AKAP6: variants seen among roughly 807,000 people sequenced by gnomAD.
AKAP6 encodes A-kinase anchor protein 6.
In AKAP6, 58 loss-of-function variants were observed where a neutral mutation model predicts 188.5. That is an observed-to-expected ratio of 0.31 (90% CI 0.25 to 0.38). The LOEUF is 0.38. AKAP6 is among the 10% of genes least tolerant of loss of function. AKAP6 has a pLI of 1.00. For synonymous variants in AKAP6, 989 were observed against 998.6 expected, an observed-to-expected ratio of 0.99 and a Z score of 0.18; for missense variants, 2,710 against 2,740.0, an observed-to-expected ratio of 0.99 and a Z score of 0.24.
chr14:32,650,302 C>T lies in AKAP6; in HGVS notation c.2731-28009C>T, dbSNP rs115356490. 6.9e-3 allele frequency among the ~76,000 whole-genome samples: 1,047 copies of T among 152,208 alleles called. 13 individuals are homozygous for T. The highest frequency in any genetic ancestry group is 0.024 in the African/African-American group (987 of 41,540). Reference sequence around the variant, plus strand: ...GGTTTGTCTTTCAGACATACCAGTGCGGCATTCTGACTTCTAGATGCTAAA... The same window carrying T: ...GGTTTGTCTTTCAGACATACCAGTGTGGCATTCTGACTTCTAGATGCTAAA... On this transcript the variant is annotated intron_variant, in intron 7 of 13. Coordinates refer to ENST00000280979, the MANE Select transcript of AKAP6 (RefSeq NM_004274.5).
intron 1 of AKAP6, among the ~76,000 whole-genome samples, chr14:32,332,206 G>A (rs1390191859): frequency 1.3e-5 from 2 of 152,040 alleles, no homozygotes; most frequent in Non-Finnish European, 2.9e-5. Context: ...CCAAACCATT[G>A]CGATCTGGCT....
intron 8 of AKAP6, among the ~76,000 whole-genome samples, chr14:32,679,849 G>C (rs935979976): frequency 6.6e-6 from 1 of 151,958 alleles, no homozygotes; most frequent in Non-Finnish European, 1.5e-5. Context: ...TTATTCACCA[G>C]AGGAAAAACA....
At chr14:32,688,077 T>C (rs981775032) in intron 8 of AKAP6, among the ~76,000 whole-genome samples, 5 of 151,618 alleles carry the variant, frequency 3.3e-5, no homozygotes, top group African/African-American at 1.2e-4. Context: ...GACTTCAAAG[T>C]TAACAGTGTA....
At chr14:32,443,957 TATG>T (rs1464745595) in intron 2 of AKAP6, among the ~76,000 whole-genome samples, 1 of 152,108 alleles carries the variant, frequency 6.6e-6, no homozygotes, top group Non-Finnish European at 1.5e-5. Flanking sequence ...GTGTTTTGGA[TATG>T]AAAGACAGAA....
intron 2 of AKAP6, among the ~76,000 whole-genome samples, chr14:32,492,355 T>TATATATATATATATATATATAGAGAG: frequency 1.1e-3 from 89 of 82,572 alleles, no homozygotes; most frequent in Non-Finnish European, 1.8e-3. Flanking sequence ...TATATATATA[T>TATATATATATATATATATATAGAGAG]AGAGAGAGAG....
intron 1 of AKAP6, among the ~76,000 whole-genome samples, chr14:32,346,930 C>T (rs866797593): frequency 2.1e-4 from 32 of 152,152 alleles, no homozygotes; most frequent in African/African-American, 7.2e-4. Context: ...AGGCTTGATA[C>T]CAAGCTGTAA....
chr14:32,780,157 C>CAT (rs59506546), intron 12 of AKAP6, among the ~76,000 whole-genome samples: 14,784 of 119,188 alleles, frequency 0.12, 1,438 homozygotes, highest in East Asian at 0.24. Context: ...AAAAAAAAAA[C>CAT]ATATATATAT....
At chr14:32,487,070 A>G (rs550186989) in intron 2 of AKAP6, among the ~76,000 whole-genome samples, 2 of 152,322 alleles carry the variant, frequency 1.3e-5, no homozygotes, top group African/African-American at 4.8e-5. Context: ...CTCTGTTGAG[A>G]TAATCATGTG....
At chr14:32,547,672 T>G (rs1883261044) in intron 4 of AKAP6, among the ~76,000 whole-genome samples, 1 of 151,930 alleles carries the variant, frequency 6.6e-6, no homozygotes, top group Non-Finnish European at 1.5e-5. Context: ...GCTTGGGCAA[T>G]GTAGGGAGAC....
chr14:32,455,809 A>G (rs1286789447), intron 2 of AKAP6, among the ~76,000 whole-genome samples: 2 of 152,194 alleles, frequency 1.3e-5, no homozygotes, highest in African/African-American at 2.4e-5. Flanking sequence ...TTAAAATTAT[A>G]TAACACTTGT....
At chr14:32,785,246 T>G (rs903595322) in intron 12 of AKAP6, among the ~76,000 whole-genome samples, 3 of 152,160 alleles carry the variant, frequency 2.0e-5, no homozygotes, top group Admixed American at 2.0e-4. Flanking sequence ...TAGAATTAAC[T>G]ATTGGTATTA....
At position 32,352,102 on chromosome 14, in the gene AKAP6, T is replaced by TG. The variant is rs1566458700; in HGVS notation, c.-35+22694_-35+22695insG. ...GTGTGTGTGTGTGTGTGTGTGTGTG[T>TG]TTGTGTGTGTGTGTGTGTGTGTGTG... On this transcript the variant is annotated intron_variant, in intron 1 of 13. Coordinates refer to ENST00000280979, the MANE Select transcript of AKAP6 (RefSeq NM_004274.5). 3.1e-3 allele frequency among the ~76,000 whole-genome samples: 304 copies of TG among 96,918 alleles called. 1 individual carries two copies. Among genetic ancestry groups the TG allele is most frequent in the African/African-American group, 0.016 (241 of 14,644 alleles). The allele number at this position is 96,918 out of a possible 152,430, so 63.6% of individuals were successfully genotyped here.
intron 5 of AKAP6, among the ~76,000 whole-genome samples, chr14:32,598,896 C>T (rs61983030): frequency 6.6e-6 from 1 of 152,132 alleles, no homozygotes; most frequent in African/African-American, 2.4e-5. Flanking sequence ...AGACATTTAA[C>T]TCCTCAGTGC....
At chr14:32,506,097 C>A (rs1880862931) in intron 2 of AKAP6, among the ~76,000 whole-genome samples, 1 of 151,966 alleles carries the variant, frequency 6.6e-6, no homozygotes, top group Middle Eastern at 3.2e-3. Context: ...GAGCCAAGAT[C>A]ATGTCACTGC....
At chr14:32,609,501 G>A (rs1329078469) in intron 7 of AKAP6, among the ~76,000 whole-genome samples, 1 of 152,114 alleles carries the variant, frequency 6.6e-6, no homozygotes, top group Non-Finnish European at 1.5e-5. Context: ...CTCACTGCAG[G>A]TTCCAGGCCA....
rs892857880 is a variant in AKAP6, at chr14:32,528,283, C to T, written c.325-7271C>T. Among the ~76,000 whole-genome samples the T allele has an allele frequency of 4.6e-5, 7 of 150,774 alleles. No homozygotes were observed. The East Asian group carries it at 1.4e-3, about 30-fold the overall frequency. ...GTTAACTATTACTTATGTGGGTCTA[C>T]CTCTAGGCTGTCTAGTAGGTCTACC... On this transcript the variant is annotated intron_variant, in intron 2 of 13. Transcript: ENST00000280979.
chr14:32,793,829 C>T (rs546825242), intron 12 of AKAP6, among the ~76,000 whole-genome samples: 11 of 152,118 alleles, frequency 7.2e-5, no homozygotes, highest in Middle Eastern at 3.4e-3. Context: ...GCACCCTATA[C>T]AGAAGCACCG....
intron 2 of AKAP6, among the ~76,000 whole-genome samples, chr14:32,471,595 C>T (rs1566523769): frequency 1.3e-5 from 2 of 152,216 alleles, no homozygotes. Flanking sequence ...TACATTTACT[C>T]AATTTTCATT....
intron 12 of AKAP6, among the ~76,000 whole-genome samples, chr14:32,783,002 AAG>A (rs1463142672): frequency 6.6e-6 from 1 of 152,174 alleles, no homozygotes; most frequent in Non-Finnish European, 1.5e-5. Flanking sequence ...TCCTGATATC[AAG>A]AGTTATAATA....
Sources: gnomAD v4.1 joint callset for allele counts (sites outside exome capture counted in the v4.1 genomes callset) on GRCh38, gnomAD v4.1.1 for gene constraint, MANE v1.5 for transcripts, NCBI Gene and HGNC (gene_info 2026-07-23, HGNC 2026-07-21) for gene names.